Variants in USP42 observed in about 807,000 individuals in gnomAD.
The protein encoded by USP42 is ubiquitin specific peptidase 42.
USP42 carries 23 observed loss-of-function variants against 113.0 expected under a neutral mutation model. That is an observed-to-expected ratio of 0.20 (90% CI 0.15 to 0.29). The LOEUF (loss-of-function observed/expected upper bound fraction) is 0.29, where lower values mean the gene tolerates loss of function less well. Ranked by LOEUF, USP42 falls within the 10% of genes least tolerant of loss-of-function variation. USP42 has a pLI of 1.00. For missense variants in USP42, 2,174 were observed against 1,779.8 expected (o/e 1.22, Z -3.99); for synonymous variants, 933 against 699.0 (o/e 1.33, Z -5.28).
the USP42 span, among the ~76,000 whole-genome samples, chr7:6,093,241 C>G: frequency 9.8e-5 from 14 of 143,092 alleles, 1 homozygote; most frequent in African/African-American, 3.8e-4. Flanking sequence ...CCCTCTCTTC[C>G]TCCTTCCTTT....
intron 4 of USP42, among the ~76,000 whole-genome samples, chr7:6,137,930 C>T (rs1218602530): frequency 6.6e-6 from 1 of 152,148 alleles, no homozygotes; most frequent in Admixed American, 6.5e-5. Context: ...CCACCCGCCT[C>T]TGCCTCCCAA....
At chr7:6,141,269 C>A (rs537266504) in intron 7 of USP42, among the ~76,000 whole-genome samples, 1 of 132,164 alleles carries the variant, frequency 7.6e-6, no homozygotes, top group African/African-American at 2.9e-5. Flanking sequence ...GTGGCGTGAT[C>A]TCGGCTCACT....
intron 8 of USP42, among the ~76,000 whole-genome samples, chr7:6,143,323 ACT>A (rs753671395): frequency 3.3e-5 from 5 of 152,252 alleles, no homozygotes; most frequent in South Asian, 4.1e-4. Context: ...CTGGGCACGC[ACT>A]GTCTGCCAAA....
At chr7:6,143,125 C>G in intron 8 of USP42, 111 bp downstream of exon 8, 5 of 1,063,534 alleles carry the variant, frequency 4.7e-6, no homozygotes, top group Non-Finnish European at 5.7e-6. Flanking sequence ...TTCTGATACC[C>G]TCTGGGAAGA....
At chr7:6,105,097 C>A (rs1388537690) in intron 1 of USP42, 65 bp downstream of exon 1, 2 of 147,630 alleles carry the variant, frequency 1.4e-5, no homozygotes, top group African/African-American at 4.9e-5. Flanking sequence ...GGCCCGCTCG[C>A]CTGGGCCGCC....
the USP42 span, among the ~76,000 whole-genome samples, chr7:6,087,377 C>T: frequency 7.3e-6 from 1 of 137,522 alleles, no homozygotes; most frequent in Non-Finnish European, 1.5e-5. Context: ...CTAAGTCTCA[C>T]TCTGTTGTCC....
chr7:6,129,211 A>G (rs1780705514), intron 3 of USP42, among the ~76,000 whole-genome samples: 1 of 152,210 alleles, frequency 6.6e-6, no homozygotes, highest in Non-Finnish European at 1.5e-5. Flanking sequence ...GACGTATAGA[A>G]ACATTACTTC....
In USP42 at chr7:6,158,487, C is replaced by G. The variant is rs144895073; in HGVS notation, c.3944-963C>G. Among the ~76,000 whole-genome samples the G allele has an allele frequency of 0.013, 2,011 of 152,278 alleles. 26 individuals carry two copies. Among genetic ancestry groups the G allele is most frequent in the Middle Eastern group, 0.061 (18 of 294 alleles). The stretch of plus-strand genomic sequence containing the variant: ...CTGTGTGTTCTGGGGAAGGCCTGTC[C>G]CTCCCAGCAGCCCAGAGCCAGCATG... On this transcript the variant is annotated intron_variant, in intron 16 of 17. Coordinates refer to ENST00000306177, the MANE Select transcript of USP42 (RefSeq NM_032172.3). The surrounding 1 kb of genome is among the most constrained non-coding windows in gnomAD (Gnocchi z 4.2).
chr7:6,099,000 TA>T, the USP42 span, among the ~76,000 whole-genome samples: 1 of 150,046 alleles, frequency 6.7e-6, no homozygotes, highest in East Asian at 1.9e-4. Context: ...ACTCCTTCCT[TA>T]TTAGAGTCCT....
chr7:6,156,604 C>T, intron 15 of USP42, 150 bp from the exon 16 acceptor site: 3 of 1,253,830 alleles, frequency 2.4e-6, no homozygotes, highest in Non-Finnish European at 3.1e-6. Context: ...TGTGCGCCAC[C>T]ATACCTGGCC....
At chr7:6,114,804 T>G (rs12531166) in intron 2 of USP42, among the ~76,000 whole-genome samples, 1 of 148,212 alleles carries the variant, frequency 6.7e-6, no homozygotes, top group East Asian at 2.1e-4. Context: ...CATTCTCCTG[T>G]CTTAGCCTCC....
chr7:6,139,044 G>T lies in USP42; in HGVS notation c.554-48G>T. ...ATATATTTTGGGGGGTACAACTTAG[G>T]CTTATTACGTGTAATGATAAAGCCT... On this transcript the variant is annotated intron_variant, in intron 4 of 17. Transcript: ENST00000306177. This position sits in a 1 kb window ranked among gnomAD's most constrained non-coding sequence, Gnocchi z 4.5. 7.7e-7 allele frequency: 1 copy of T among 1,302,278 alleles called. No homozygotes were observed. Among genetic ancestry groups the T allele is most frequent in the Non-Finnish European group, 1.1e-6 (1 of 929,372 alleles). The allele number at this position is 1,302,278 out of a possible 1,614,324, so 80.7% of individuals were successfully genotyped here. A position where few individuals can be genotyped will look rare whatever the true frequency, so the allele number is the denominator to read the frequency against.
At chr7:6,100,004 C>CTTTTTAT (rs1554332998), upstream of USP42, among the ~76,000 whole-genome samples, 4 of 144,290 alleles carry the variant, frequency 2.8e-5, no homozygotes, top group Non-Finnish European at 6.0e-5. Flanking sequence ...TTTCACAAGT[C>CTTTTTAT]TATTATTATT....
At chr7:6,125,385 G>T (rs1424988416) in intron 3 of USP42, among the ~76,000 whole-genome samples, 1 of 151,944 alleles carries the variant, frequency 6.6e-6, no homozygotes, top group Non-Finnish European at 1.5e-5. Flanking sequence ...AGCTACTTCG[G>T]AGACTGAGGT....
intron 14 of USP42, among the ~76,000 whole-genome samples, chr7:6,152,526 G>T (rs1782131324): frequency 6.6e-6 from 1 of 151,638 alleles, no homozygotes; most frequent in South Asian, 2.1e-4. Context: ...CCCTCACTGA[G>T]GCCCTCTGTT....
chr7:6,116,713 C>G (rs1779930485), intron 3 of USP42: 2 of 503,248 alleles, frequency 4.0e-6, no homozygotes, highest in African/African-American at 2.0e-5. Context: ...AGAAAAATCA[C>G]CTAGAATCTC....
At chr7:6,098,389 G>A in the USP42 span, among the ~76,000 whole-genome samples, 1 of 149,712 alleles carries the variant, frequency 6.7e-6, no homozygotes, top group Non-Finnish European at 1.5e-5. Flanking sequence ...ATCCATTCCC[G>A]GGCTTATTTT....
chr7:6,087,991 G>A, the USP42 span, among the ~76,000 whole-genome samples: 7 of 151,086 alleles, frequency 4.6e-5, no homozygotes, highest in East Asian at 7.7e-4. Flanking sequence ...ACCTCTCAAC[G>A]GTTACCTGCT....
chr7:6,112,232 T>C (rs1739066158), intron 2 of USP42, among the ~76,000 whole-genome samples: 1 of 152,084 alleles, frequency 6.6e-6, no homozygotes, highest in Non-Finnish European at 1.5e-5. Flanking sequence ...GTGGATCACC[T>C]GAGGTCAGGA....
Sources: gnomAD v4.1 joint callset for allele counts (sites outside exome capture counted in the v4.1 genomes callset) on GRCh38, gnomAD v4.1.1 for gene constraint, Gnocchi (gnomAD v3.1) non-coding constraint, MANE v1.5 for transcripts, NCBI Gene and HGNC (gene_info 2026-07-23, HGNC 2026-07-21) for gene names.